Variants in SGMS1 observed in about 807,000 individuals in gnomAD.
The protein encoded by SGMS1 is sphingomyelin synthase 1, also known as phosphatidylcholine:ceramide cholinephosphotransferase 1.
Under a neutral mutation model 46.2 loss-of-function variants are expected in SGMS1, and 13 were observed. The observed-to-expected ratio is 0.28, with a 90% CI of 0.18 to 0.45. The LOEUF (loss-of-function observed/expected upper bound fraction) is 0.45, where lower values mean the gene tolerates loss of function less well. SGMS1 is among the 20% of genes least tolerant of loss of function. The pLI is 1.00. For missense variants in SGMS1, 324 were observed against 519.9 expected, an observed-to-expected ratio of 0.62 and a Z score of 3.66; for synonymous variants, 203 against 187.8, an observed-to-expected ratio of 1.08 and a Z score of -0.66.
At chr10:50,345,122 T>A (rs1847894672) in intron 6 of SGMS1, among the ~76,000 whole-genome samples, 1 of 114,290 alleles carries the variant, frequency 8.7e-6, no homozygotes, top group Admixed American at 1.0e-4. Flanking sequence ...ATTTTTATAT[T>A]CTTTAAAAAA....
chr10:50,547,468 A>T (rs373923116), intron 2 of SGMS1, among the ~76,000 whole-genome samples: 5 of 152,244 alleles, frequency 3.3e-5, no homozygotes, highest in African/African-American at 1.2e-4. Flanking sequence ...TCCTAGATAC[A>T]TATACTCTCC....
In SGMS1 at chr10:50,416,947, C is replaced by T. The variant is rs529689711; in HGVS notation, c.-232+16529G>A. Among the ~76,000 whole-genome samples the T allele has an allele frequency of 5.3e-5, 8 of 151,296 alleles. No homozygotes were observed. The South Asian group carries it at 1.7e-3, about 32-fold the overall frequency. ...CTCTCCATGACAGTCTATCTTTTAACCTCATCACAGTCTCTATCTTCATAA... is the reference window on the plus strand; with the variant it reads ...CTCTCCATGACAGTCTATCTTTTAATCTCATCACAGTCTCTATCTTCATAA... On this transcript the variant is annotated intron_variant, in intron 6 of 10. Coordinates refer to ENST00000361781, the MANE Select transcript of SGMS1 (RefSeq NM_147156.4).
intron 1 of SGMS1, among the ~76,000 whole-genome samples, chr10:50,621,555 T>A (rs1012159278): frequency 7.9e-5 from 12 of 152,244 alleles, no homozygotes; most frequent in Admixed American, 7.2e-4. Context: ...TGCAGAGGCA[T>A]GTATTGAATA....
At position 50,470,220 on chromosome 10, in the gene SGMS1, C is replaced by T. The variant is rs75623053; in HGVS notation, c.-497-3288G>A. Among the ~76,000 whole-genome samples the T allele has an allele frequency of 8.6e-3, 1,304 of 152,184 alleles. 18 individuals are homozygous for T. The highest frequency in any genetic ancestry group is 0.03 in the African/African-American group (1,243 of 41,510). ...TATAGAGAGACCAGGAAGAGCACTC[C>T]ATTAAAACTGCATTTTATTAGAGTA... On this transcript the variant is annotated intron_variant, in intron 3 of 10. Transcript: ENST00000361781.
chr10:50,469,126 C>T (rs1385303168), intron 3 of SGMS1, among the ~76,000 whole-genome samples: 2 of 152,198 alleles, frequency 1.3e-5, no homozygotes, highest in Non-Finnish European at 2.9e-5. Context: ...TTCCAAATTA[C>T]GTGTCGGATA....
intron 2 of SGMS1, among the ~76,000 whole-genome samples, chr10:50,588,919 C>T (rs1161253250): frequency 6.6e-6 from 1 of 151,846 alleles, no homozygotes; most frequent in African/African-American, 2.4e-5. Flanking sequence ...TTAGTAGAGA[C>T]AGGGTTTCAC....
At chr10:50,435,056 G>T (rs1430806564) in intron 5 of SGMS1, among the ~76,000 whole-genome samples, 3 of 152,132 alleles carry the variant, frequency 2.0e-5, no homozygotes, top group African/African-American at 7.2e-5. Context: ...CAGATTCATT[G>T]GCTAGCTATG....
chr10:50,550,990 C>A lies in SGMS1; in HGVS notation c.-588-31069G>T, dbSNP rs1006020831. Among the ~76,000 whole-genome samples the A allele has an allele frequency of 7.2e-5, 11 of 152,142 alleles. No homozygotes were observed. The East Asian group carries it at 1.3e-3, about 19-fold the overall frequency. On this transcript the variant is annotated intron_variant, in intron 2 of 10. Coordinates refer to ENST00000361781, the MANE Select transcript of SGMS1 (RefSeq NM_147156.4). Reference sequence around the variant, plus strand: ...GGAGCGAATATGCAAACCTTCTGTGCAGAAGAATTCAAAGTAATTTATGTA... The same window carrying A: ...GGAGCGAATATGCAAACCTTCTGTGAAGAAGAATTCAAAGTAATTTATGTA...
At chr10:50,351,705 C>A (rs1848016988) in intron 6 of SGMS1, among the ~76,000 whole-genome samples, 1 of 152,166 alleles carries the variant, frequency 6.6e-6, no homozygotes, top group Admixed American at 6.5e-5. Flanking sequence ...TTGCCTCCTG[C>A]CATGATTCTG....
In SGMS1 at chr10:50,520,901, CT is replaced by C. The variant is rs975445635; in HGVS notation, c.-588-981del. 2.0e-4 allele frequency among the ~76,000 whole-genome samples: 30 copies of C among 147,270 alleles called. 1 individual carries two copies. The South Asian group carries it at 2.4e-3, about 12-fold the overall frequency. On this transcript the variant is annotated intron_variant, in intron 2 of 10. Coordinates refer to ENST00000361781, the MANE Select transcript of SGMS1 (RefSeq NM_147156.4). ...TTGCTGGGATTTTTTGTTTTATTTT[CT>C]TTTTTTTTTTCTTTGAGACAGAGTC...
At position 50,333,175 on chromosome 10, in the gene SGMS1, C is replaced by G. The variant is rs567164316; in HGVS notation, c.624-5853G>C. ...CAACAAAAATGTCTCACGTCTCACCCCTTTTGTGAGAAGACGCTCTTAAGA... is the reference window on the plus strand; with the variant it reads ...CAACAAAAATGTCTCACGTCTCACCGCTTTTGTGAGAAGACGCTCTTAAGA... On this transcript the variant is annotated intron_variant, in intron 7 of 10. Transcript: ENST00000361781. Among the ~76,000 whole-genome samples the G allele has an allele frequency of 2.6e-5, 4 of 152,238 alleles. No individual in the cohort carries two copies. In the East Asian group the frequency reaches 7.7e-4, roughly 29 times the overall value.
chr10:50,422,039 A>G (rs545360377), intron 6 of SGMS1, among the ~76,000 whole-genome samples: 135 of 152,170 alleles, frequency 8.9e-4, no homozygotes, highest in African/African-American at 3.1e-3. Context: ...TTCTCCTAGA[A>G]CTTTTGTCAC....
At chr10:50,497,203 G>A (rs945373992) in intron 3 of SGMS1, among the ~76,000 whole-genome samples, 1 of 152,168 alleles carries the variant, frequency 6.6e-6, no homozygotes, top group African/African-American at 2.4e-5. Context: ...CTTGACAGAT[G>A]ATCCTAATTC....
intron 1 of SGMS1, among the ~76,000 whole-genome samples, chr10:50,591,828 C>A (rs1384491310): frequency 6.6e-6 from 1 of 152,322 alleles, no homozygotes; most frequent in East Asian, 1.9e-4. Context: ...TTGGGGAGAA[C>A]GTGACATCTC....
At chr10:50,537,254 C>G (rs1838010150) in intron 2 of SGMS1, among the ~76,000 whole-genome samples, 1 of 152,012 alleles carries the variant, frequency 6.6e-6, no homozygotes, top group Non-Finnish European at 1.5e-5. Context: ...GACAAAGTAA[C>G]CTTTTCTCCA....
chr10:50,374,246 C>A (rs899220975), intron 6 of SGMS1, among the ~76,000 whole-genome samples: 3 of 152,184 alleles, frequency 2.0e-5, no homozygotes, highest in African/African-American at 7.2e-5. Context: ...AAGAAACATA[C>A]ACCATGGTTG....
chr10:50,506,813 C>T (rs1837710680), intron 3 of SGMS1, among the ~76,000 whole-genome samples: 1 of 152,194 alleles, frequency 6.6e-6, no homozygotes, highest in Admixed American at 6.5e-5. Context: ...CTGCACCCTT[C>T]CCAGGTGCCA....
chr10:50,358,022 G>A (rs75278693), intron 6 of SGMS1, among the ~76,000 whole-genome samples: 4,913 of 152,296 alleles, frequency 0.032, 117 homozygotes, highest in Non-Finnish European at 0.05. Flanking sequence ...GTTCATGCCT[G>A]TAATCGCAAA....
chr10:50,407,587 G>A (rs1258962960), intron 6 of SGMS1, among the ~76,000 whole-genome samples: 1 of 152,012 alleles, frequency 6.6e-6, no homozygotes, highest in African/African-American at 2.4e-5. Context: ...TCCTGCCATT[G>A]CATCACCTGT....
Sources: gnomAD v4.1 joint callset for allele counts (sites outside exome capture counted in the v4.1 genomes callset) on GRCh38, gnomAD v4.1.1 for gene constraint, MANE v1.5 for transcripts, NCBI Gene and HGNC (gene_info 2026-07-23, HGNC 2026-07-21) for gene names.